ZNF880: variants seen among roughly 807,000 people sequenced by gnomAD.
ZNF880 encodes zinc finger protein 880, also known as zinc finger protein LOC400713.
A neutral mutation model predicts 11.8 loss-of-function variants in ZNF880; 12 were observed. That is an observed-to-expected ratio of 1.02 (90% CI 0.65 to 1.65). The LOEUF is 1.65. Ranked by LOEUF, ZNF880 falls within the 40% of genes most tolerant of loss-of-function variation. The pLI, the probability that ZNF880 is intolerant of heterozygous loss-of-function variation, is 0.00. For missense variants in ZNF880, 601 were observed against 673.9 expected (o/e 0.89, Z 1.20); for synonymous variants, 210 against 232.4 (o/e 0.90, Z 0.88).
chr19:52,374,272 C>T (rs1474511006), intron 2 of ZNF880, 27 bp from the exon 3 acceptor site: 1 of 1,592,102 alleles, frequency 6.3e-7, no homozygotes, highest in Admixed American at 1.7e-5. Context: ...CCAGGATAGT[C>T]TTGATATTCT....
At chr19:52,369,596 A>C (rs1986289395), upstream of ZNF880, among the ~76,000 whole-genome samples, 1 of 151,966 alleles carries the variant, frequency 6.6e-6, no homozygotes, top group African/African-American at 2.4e-5. Flanking sequence ...GCGGGAGTGC[A>C]GCGCACGACC....
the ZNF880 span, among the ~76,000 whole-genome samples, chr19:52,392,955 G>A: frequency 6.6e-6 from 1 of 152,092 alleles, no homozygotes. Context: ...CCAAACTGGT[G>A]GGATTACAGG....
the ZNF880 span, chr19:52,397,173 G>A: frequency 2.0e-5 from 3 of 148,520 alleles, no homozygotes; most frequent in Non-Finnish European, 4.5e-5. Context: ...TTAAAGAATC[G>A]GTGACTTATC....
the ZNF880 span, chr19:52,396,669 G>A: frequency 6.6e-6 from 1 of 152,220 alleles, no homozygotes; most frequent in Non-Finnish European, 1.5e-5. Flanking sequence ...CCTATAATCC[G>A]AGCACTTTGG....
chr19:52,395,892 A>G, the ZNF880 span: 4 of 152,226 alleles, frequency 2.6e-5, no homozygotes, highest in Admixed American at 2.6e-4. Context: ...GTCAGATGCA[A>G]CTGGGCCAAT....
At chr19:52,391,270 G>C in the ZNF880 span, 1 of 151,776 alleles carries the variant, frequency 6.6e-6, no homozygotes, top group Admixed American at 6.6e-5. Flanking sequence ...GGATGCCAGA[G>C]AGGGGACAGG....
Position 52,369,957 on chromosome 19 carries a change from G to C in ZNF880, c.-9G>C. On this transcript the variant is annotated 5_prime_UTR_variant, in exon 1 of 4. Transcript: ENST00000422689. ...GAGACCCGGAAGCAGATTACGTGGAGTGACGGTCATGCTGCGGCGTGTGAG... is the reference window on the plus strand; with the variant it reads ...GAGACCCGGAAGCAGATTACGTGGACTGACGGTCATGCTGCGGCGTGTGAG... 2 of 1,551,682 alleles carry C rather than the reference G, an allele frequency of 1.3e-6. No homozygotes were observed. The highest frequency in any genetic ancestry group is 2.4e-5 in the South Asian group (2 of 84,062).
At chr19:52,370,071 C>G in intron 1 of ZNF880, 94 bp downstream of exon 1, 1 of 1,463,822 alleles carries the variant, frequency 6.8e-7, no homozygotes, top group Non-Finnish European at 9.4e-7. Flanking sequence ...CCTTGAAATC[C>G]CCGCATCGCT....
Position 52,384,989 on chromosome 19 carries a change from G to T in ZNF880, c.1409G>T (p.Gly470Val). Reference protein sequence around the residue: ...GEKPYRCDECGKDFTRNSNLA... With the variant: ...GEKPYRCDECVKDFTRNSNLA... ...AAACCTTACAGATGTGATGAATGTGGCAAGGACTTCACTCGAAATTCAAAC... is the reference window on the plus strand; with the variant it reads ...AAACCTTACAGATGTGATGAATGTGTCAAGGACTTCACTCGAAATTCAAAC... The change falls in exon 4 of 4, where the codon GGC becomes GTC. Residue 470 changes from glycine to valine, a missense_variant. By Grantham distance (109) the Gly-to-Val change is moderately radical. Transcript: ENST00000422689. 6.4e-7 allele frequency: 1 copy of T among 1,566,476 alleles called. No homozygotes were observed. Among genetic ancestry groups the T allele is most frequent in the Non-Finnish European group, 8.7e-7 (1 of 1,154,670 alleles).
chr19:52,371,451 C>T (rs1300566413), intron 1 of ZNF880, among the ~76,000 whole-genome samples: 3 of 152,052 alleles, frequency 2.0e-5, no homozygotes, highest in Admixed American at 2.0e-4. Flanking sequence ...TCTCAGGTCA[C>T]TGCAAACTCT....
chr19:52,379,149 T>G (rs900620355), intron 3 of ZNF880, among the ~76,000 whole-genome samples: 1 of 152,124 alleles, frequency 6.6e-6, no homozygotes, highest in African/African-American at 2.4e-5. Flanking sequence ...ATGGTACTCT[T>G]TGTCTTCTTT....
intron 3 of ZNF880, 58 bp downstream of exon 3, chr19:52,374,485 G>T (rs774722517): frequency 6.5e-7 from 1 of 1,546,908 alleles, no homozygotes; most frequent in South Asian, 1.2e-5. Flanking sequence ...TTTAAACAGG[G>T]TCTTGCTCTG....
At position 52,379,540 on chromosome 19, in the gene ZNF880, C is replaced by T. The variant is rs148533394; in HGVS notation, c.269-4309C>T. 1,598 of 414,450 alleles carry T rather than the reference C, an allele frequency of 3.9e-3. 22 individuals are homozygous for T. Among genetic ancestry groups the T allele is most frequent in the African/African-American group, 0.03 (1,444 of 47,504 alleles). 25.7% of individuals were successfully genotyped at this position (414,450 alleles called of 1,614,324 possible). On this transcript the variant is annotated intron_variant, in intron 3 of 3. Coordinates refer to ENST00000422689, the MANE Select transcript of ZNF880 (RefSeq NM_001145434.2). ...CCTCCCCAAGTGCTAGGATTACAGG[C>T]GTGAGCCTCCGCGCCTGGCCTCATT...
At chr19:52,378,427 A>G (rs1290622145) in intron 3 of ZNF880, among the ~76,000 whole-genome samples, 3 of 151,616 alleles carry the variant, frequency 2.0e-5, no homozygotes, top group Admixed American at 2.0e-4. Context: ...GGCGGATCAG[A>G]AAGTCAGGGG....
intron 3 of ZNF880, chr19:52,379,436 C>T (rs1421951582): frequency 4.6e-6 from 2 of 432,448 alleles, no homozygotes; most frequent in African/African-American, 4.2e-5. Context: ...CGCTCTGTCA[C>T]CCAGGCTGGA....
chr19:52,372,444 C>T (rs1247677937), intron 1 of ZNF880, among the ~76,000 whole-genome samples: 5 of 149,208 alleles, frequency 3.4e-5, no homozygotes, highest in African/African-American at 4.9e-5. Flanking sequence ...CCCGCCACTA[C>T]GCCTGGCTAA....
chr19:52,378,370 G>A (rs940823258), intron 3 of ZNF880, among the ~76,000 whole-genome samples: 2 of 151,986 alleles, frequency 1.3e-5, no homozygotes, highest in Non-Finnish European at 2.9e-5. Flanking sequence ...TTTAGGCCGG[G>A]GCGGTGTCTC....
the ZNF880 span, among the ~76,000 whole-genome samples, chr19:52,393,852 T>TG: frequency 1.4e-5 from 2 of 145,828 alleles, no homozygotes; most frequent in Non-Finnish European, 3.0e-5. Context: ...TTTTTTTTTT[T>TG]TTGAGACGGA....
Position 52,384,582 on chromosome 19 carries a change from A to G in ZNF880, c.1002A>G (p.Ser334=). The change falls in exon 4 of 4, where the codon TCA becomes TCG. Residue 334 remains serine (S), a synonymous_variant. Coordinates refer to ENST00000422689, the MANE Select transcript of ZNF880 (RefSeq NM_001145434.2). ...GTAAGGAATGTGGCAAAGCATTTTC[A>G]GGGGGTTCAGGCCTTACTGCTCATC... The part of the protein sequence containing the change: ...YKCKECGKAF[S]GGSGLTAHLV... 1 of 1,613,050 alleles carries G rather than the reference A, an allele frequency of 6.2e-7. No homozygotes were observed. The highest frequency in any genetic ancestry group is 8.5e-7 in the Non-Finnish European group (1 of 1,179,538).
Sources: gnomAD v4.1 joint callset for allele counts (sites outside exome capture counted in the v4.1 genomes callset) on GRCh38, gnomAD v4.1.1 for gene constraint, MANE v1.5 for transcripts, NCBI Gene and HGNC (gene_info 2026-07-23, HGNC 2026-07-21) for gene names.